Variants in UBE2N observed in about 807,000 individuals in gnomAD.
UBE2N encodes the protein ubiquitin conjugating enzyme E2 N.
For missense variants in UBE2N, 60 were observed against 192.1 expected (o/e 0.31, Z 4.07); for synonymous variants, 70 against 69.2 (o/e 1.01, Z -0.06).
rs1008971207 is a variant in UBE2N at position 93,407,826 on chromosome 12, G to A, written c.*2213C>T. ...CCCAGAGCCCCTTAAGTCCTAAGAA[G>A]GCTCAGTCAACACACTGGCACTCGT... On this transcript the variant is annotated 3_prime_UTR_variant, in exon 4 of 4. Coordinates refer to ENST00000318066, the MANE Select transcript of UBE2N (RefSeq NM_003348.4). The A allele has an allele frequency of 5.3e-5, 8 of 152,202 alleles. No individual in the cohort carries two copies. The highest frequency in any genetic ancestry group is 7.3e-5 in the Non-Finnish European group (5 of 68,042). 9.4% of individuals were successfully genotyped at this position (152,202 alleles called of 1,614,324 possible).
At chr12:93,426,204 T>G (rs1314869990) in intron 1 of UBE2N, among the ~76,000 whole-genome samples, 2 of 152,086 alleles carry the variant, frequency 1.3e-5, no homozygotes, top group African/African-American at 2.4e-5. Context: ...AAGCACAAAC[T>G]TACACACTAG....
chr12:93,412,919 A>C (rs964353863), intron 1 of UBE2N, among the ~76,000 whole-genome samples: 3 of 152,252 alleles, frequency 2.0e-5, no homozygotes, highest in African/African-American at 7.2e-5. Flanking sequence ...TATTATGGCT[A>C]GCAAATATTT....
Position 93,424,076 on chromosome 12 carries a change from A to G in UBE2N, c.31-12777T>C, listed in dbSNP as rs1305996426. On this transcript the variant is annotated intron_variant, in intron 1 of 3. Coordinates refer to ENST00000318066, the MANE Select transcript of UBE2N (RefSeq NM_003348.4). ...TGTTTTTTGTTGTTGTTGTTCTGATAAAGACAAAAGCCCTTAAAAACAGTT... is the reference window on the plus strand; with the variant it reads ...TGTTTTTTGTTGTTGTTGTTCTGATGAAGACAAAAGCCCTTAAAAACAGTT... Among the ~76,000 whole-genome samples the G allele has an allele frequency of 3.9e-5, 6 of 152,240 alleles. 1 individual carries two copies. The highest frequency in any genetic ancestry group is 3.9e-4 in the Admixed American group (6 of 15,272).
rs912323645 is a variant in UBE2N at position 93,409,041 on chromosome 12, C to T, written c.*998G>A. On this transcript the variant is annotated 3_prime_UTR_variant, in exon 4 of 4. Coordinates refer to ENST00000318066, the MANE Select transcript of UBE2N (RefSeq NM_003348.4). ...ACTTTCCTGTACAGTAATTTTTAAACATTGTGGCAAGACACCAATGATCAT... is the reference window on the plus strand; with the variant it reads ...ACTTTCCTGTACAGTAATTTTTAAATATTGTGGCAAGACACCAATGATCAT... The T allele has an allele frequency of 5.9e-5, 9 of 152,630 alleles. No individual in the cohort carries two copies. The highest frequency in any genetic ancestry group is 2.2e-4 in the African/African-American group (9 of 41,438). 9.5% of individuals were successfully genotyped at this position (152,630 alleles called of 1,614,324 possible). A position where few individuals can be genotyped will look rare whatever the true frequency, so the allele number is the denominator to read the frequency against.
At chr12:93,433,139 T>A (rs573844164) in intron 1 of UBE2N, among the ~76,000 whole-genome samples, 92 of 152,188 alleles carry the variant, frequency 6.0e-4, no homozygotes, top group African/African-American at 2.1e-3. Context: ...TTCACCATGT[T>A]AGCCAGGATG....
intron 1 of UBE2N, among the ~76,000 whole-genome samples, chr12:93,428,152 T>C (rs142387566): frequency 2.0e-3 from 311 of 152,264 alleles, no homozygotes; most frequent in Non-Finnish European, 2.8e-3. Flanking sequence ...ATTCTTGGGC[T>C]CAAGCAATCT....
chr12:93,430,404 T>A (rs948260331), intron 1 of UBE2N, among the ~76,000 whole-genome samples: 12 of 152,094 alleles, frequency 7.9e-5, no homozygotes, highest in Non-Finnish European at 1.8e-4. Flanking sequence ...GACTGTATAT[T>A]TTGCCGGTAA....
Position 93,405,889 on chromosome 12 carries a change from T to C in UBE2N, c.*4150A>G, listed in dbSNP as rs1258690920. ...ATTACATTTTTCTTAAATAAAGCAA[T>C]AAATTAGGTACCCTATTATCATGGT... On this transcript the variant is annotated 3_prime_UTR_variant, in exon 4 of 4. Transcript: ENST00000318066. 2.0e-5 allele frequency: 3 copies of C among 152,184 alleles called. No homozygotes were observed. Among genetic ancestry groups the C allele is most frequent in the Admixed American group, 2.0e-4 (3 of 15,274 alleles). The allele number at this position is 152,184 out of a possible 1,614,324, so 9.4% of individuals were successfully genotyped here.
chr12:93,415,251 G>C (rs747092462), intron 1 of UBE2N, among the ~76,000 whole-genome samples: 5 of 151,992 alleles, frequency 3.3e-5, no homozygotes, highest in Non-Finnish European at 5.9e-5. Context: ...CATTCCACAA[G>C]CTACAGGGCA....
At chr12:93,415,753 AAAAG>A (rs1161529448) in intron 1 of UBE2N, among the ~76,000 whole-genome samples, 1 of 152,156 alleles carries the variant, frequency 6.6e-6, no homozygotes, top group Non-Finnish European at 1.5e-5. Context: ...GACTGGAAAA[AAAAG>A]AAAGCCAGGG....
intron 1 of UBE2N, among the ~76,000 whole-genome samples, chr12:93,436,884 C>T (rs1285187707): frequency 1.3e-5 from 2 of 152,106 alleles, no homozygotes; most frequent in Non-Finnish European, 2.9e-5. Flanking sequence ...TGCAAAATGC[C>T]ATACATACAA....
chr12:93,423,824 C>T (rs994717842), intron 1 of UBE2N, among the ~76,000 whole-genome samples: 1 of 152,100 alleles, frequency 6.6e-6, no homozygotes, highest in Non-Finnish European at 1.5e-5. Context: ...TTCTTTAGGC[C>T]TATAATTACT....
At chr12:93,426,390 CAAA>C (rs57644203) in intron 1 of UBE2N, among the ~76,000 whole-genome samples, 17 of 101,188 alleles carry the variant, frequency 1.7e-4, no homozygotes, top group Non-Finnish European at 2.4e-4. Flanking sequence ...AAACTGCATC[CAAA>C]AAAAAAAAAA....
intron 1 of UBE2N, among the ~76,000 whole-genome samples, chr12:93,428,592 T>C (rs930114948): frequency 6.6e-6 from 1 of 152,248 alleles, no homozygotes; most frequent in African/African-American, 2.4e-5. Context: ...CATCTTTGCA[T>C]TGAAGCCAAG....
chr12:93,437,953 C>A (rs1411714786), intron 1 of UBE2N, among the ~76,000 whole-genome samples: 1 of 152,098 alleles, frequency 6.6e-6, no homozygotes, highest in Non-Finnish European at 1.5e-5. Context: ...AGTAGGCACA[C>A]AAAAAAGAAA....
intron 1 of UBE2N, among the ~76,000 whole-genome samples, chr12:93,412,249 C>G (rs1257139595): frequency 3.9e-5 from 6 of 152,162 alleles, no homozygotes; most frequent in African/African-American, 1.4e-4. Flanking sequence ...CTCTTCAAAC[C>G]TCCAGCATCT....
intron 1 of UBE2N, 146 bp from the exon 2 acceptor site, chr12:93,411,445 C>CA (rs1565791478): frequency 8.4e-6 from 9 of 1,071,484 alleles, no homozygotes; most frequent in African/African-American, 3.2e-5. Flanking sequence ...ATGCAAAATT[C>CA]AAAAAAATAC....
chr12:93,415,718 G>A (rs943236058), intron 1 of UBE2N, among the ~76,000 whole-genome samples: 1 of 152,062 alleles, frequency 6.6e-6, no homozygotes, highest in Non-Finnish European at 1.5e-5. Context: ...AGGTCTTCAT[G>A]TTTTTAGAAA....
intron 1 of UBE2N, among the ~76,000 whole-genome samples, chr12:93,413,649 C>T (rs1878103169): frequency 6.6e-6 from 1 of 152,184 alleles, no homozygotes; most frequent in Non-Finnish European, 1.5e-5. Flanking sequence ...CCTTTTCCTT[C>T]ATATGCCACA....
Sources: allele counts gnomAD v4.1 joint callset (sites outside exome capture counted in the v4.1 genomes callset), GRCh38; gene constraint gnomAD v4.1.1; transcripts MANE v1.5; gene names NCBI Gene and HGNC (gene_info 2026-07-23, HGNC 2026-07-21).